The following CSMD3 variants were observed in gnomAD, a reference collection of about 807,000 sequenced individuals.
CSMD3 encodes CUB and Sushi multiple domains 3, also known as CUB and sushi domain-containing protein 3.
A neutral mutation model predicts 435.2 loss-of-function variants in CSMD3; 177 were observed. The observed-to-expected ratio is 0.41, with a 90% CI of 0.36 to 0.46. The LOEUF (loss-of-function observed/expected upper bound fraction) is 0.46, where lower values mean the gene tolerates loss of function less well. Ranked by LOEUF, CSMD3 falls within the 20% of genes least tolerant of loss-of-function variation. The pLI is 0.34. For synonymous variants in CSMD3, 1,656 were observed against 1,520.5 expected (o/e 1.09, Z -2.07); for missense variants, 4,265 against 4,504.6 (o/e 0.95, Z 1.52).
intron 13 of CSMD3, among the ~76,000 whole-genome samples, chr8:112,787,867 G>A (rs899948828): frequency 2.6e-5 from 4 of 152,070 alleles, no homozygotes; most frequent in Non-Finnish European, 5.9e-5. Context: ...GAATGAATAA[G>A]ATCTTGTATT....
At chr8:112,716,037 C>G (rs927686557) in intron 13 of CSMD3, among the ~76,000 whole-genome samples, 1 of 152,092 alleles carries the variant, frequency 6.6e-6, no homozygotes, top group African/African-American at 2.4e-5. Context: ...CACTGTCTTC[C>G]CACTCTTATT....
At chr8:112,405,079 C>G (rs1831659087) in intron 35 of CSMD3, among the ~76,000 whole-genome samples, 1 of 147,722 alleles carries the variant, frequency 6.8e-6, no homozygotes, top group Admixed American at 6.8e-5. Context: ...CCCAGCTACT[C>G]TCTATGCTGA....
chr8:112,287,261 A>C lies in CSMD3; in HGVS notation c.9149-15T>G. On this transcript the variant is annotated splice_polypyrimidine_tract_variant and intron_variant, in intron 57 of 70. Transcript: ENST00000297405. The stretch of plus-strand genomic sequence containing the variant: ...AGTAGCATCACCTGCAATGCAGTAC[A>C]GTTCAAGTTAACCAATTCCCATAAA... 1 of 1,613,018 alleles carries C rather than the reference A, an allele frequency of 6.2e-7. No homozygotes were observed. The highest frequency in any genetic ancestry group is 1.1e-5 in the South Asian group (1 of 91,072).
chr8:113,093,658 A>C (rs1289371274), intron 5 of CSMD3, among the ~76,000 whole-genome samples: 1 of 152,142 alleles, frequency 6.6e-6, no homozygotes, highest in Non-Finnish European at 1.5e-5. Context: ...GAGAAGGAAC[A>C]GTGCACAAAT....
At chr8:112,696,545 C>T (rs1372708043) in intron 13 of CSMD3, among the ~76,000 whole-genome samples, 3 of 152,190 alleles carry the variant, frequency 2.0e-5, no homozygotes, top group African/African-American at 7.2e-5. Context: ...AAACTGGATC[C>T]CTTCCTTACA....
At chr8:112,245,919 GTC>G (rs1255106501) in intron 64 of CSMD3, among the ~76,000 whole-genome samples, 1 of 152,146 alleles carries the variant, frequency 6.6e-6, no homozygotes, top group African/African-American at 2.4e-5. Flanking sequence ...ACTACAGTCT[GTC>G]TCTACTGCCA....
intron 1 of CSMD3, among the ~76,000 whole-genome samples, chr8:113,350,339 A>G (rs538093961): frequency 6.6e-6 from 1 of 152,290 alleles, no homozygotes; most frequent in African/African-American, 2.4e-5. Context: ...AGTTGAGTCT[A>G]AAGAGTTAAC....
intron 3 of CSMD3, among the ~76,000 whole-genome samples, chr8:113,197,872 T>C (rs570430862): frequency 8.3e-4 from 126 of 151,324 alleles, no homozygotes; most frequent in African/African-American, 2.9e-3. Flanking sequence ...TTGTTCTAGG[T>C]GGACAGAACT....
chr8:112,391,961 C>T (rs1830453229), intron 35 of CSMD3, among the ~76,000 whole-genome samples: 1 of 152,122 alleles, frequency 6.6e-6, no homozygotes, highest in African/African-American at 2.4e-5. Flanking sequence ...CTCTTAAATT[C>T]TGTGTGACTT....
chr8:112,821,410 A>AT (rs377627827), intron 12 of CSMD3, among the ~76,000 whole-genome samples: 78 of 147,138 alleles, frequency 5.3e-4, no homozygotes, highest in African/African-American at 1.5e-3. Flanking sequence ...AATGATGTTG[A>AT]TTTTTTTTTT....
At chr8:112,432,384 G>T (rs1813815760) in intron 32 of CSMD3, among the ~76,000 whole-genome samples, 1 of 152,014 alleles carries the variant, frequency 6.6e-6, no homozygotes, top group Non-Finnish European at 1.5e-5. Flanking sequence ...TCTCACTGCA[G>T]CTTTGAATGC....
chr8:112,367,870 T>C (rs1385110440), intron 38 of CSMD3, among the ~76,000 whole-genome samples: 1 of 152,212 alleles, frequency 6.6e-6, no homozygotes, highest in Non-Finnish European at 1.5e-5. Context: ...TCCAGCTATG[T>C]GGGTTTATCT....
At chr8:112,691,360 T>C (rs939318044) in intron 13 of CSMD3, among the ~76,000 whole-genome samples, 32 of 152,256 alleles carry the variant, frequency 2.1e-4, no homozygotes, top group African/African-American at 6.5e-4. Flanking sequence ...GGGAAGATGT[T>C]AGTAATTTTC....
At chr8:112,380,256 G>T in intron 38 of CSMD3, 96 bp downstream of exon 38, 1 of 639,780 alleles carries the variant, frequency 1.6e-6, no homozygotes. Context: ...TTTTCTTTGA[G>T]AAAGTTGCTA....
chr8:112,558,573 C>T (rs1828336361), intron 24 of CSMD3, among the ~76,000 whole-genome samples: 1 of 151,730 alleles, frequency 6.6e-6, no homozygotes. Flanking sequence ...ATTTATTATG[C>T]TTTTCTCTTG....
In CSMD3 at chr8:113,166,633, A is replaced by G. The variant is rs2092155441; in HGVS notation, c.709+7089T>C. Among the ~76,000 whole-genome samples the G allele has an allele frequency of 3.9e-5, 6 of 152,266 alleles. 1 individual carries two copies. The South Asian group carries it at 1.2e-3, about 32-fold the overall frequency. ...ATGCTATGTTAACTTTGGAAAATAT[A>G]TTTTCAAAAACGATGTCTAATACTT... On this transcript the variant is annotated intron_variant, in intron 4 of 70. Coordinates refer to ENST00000297405, the MANE Select transcript of CSMD3 (RefSeq NM_198123.2).
chr8:113,373,812 T>C (rs1042971410), intron 1 of CSMD3, among the ~76,000 whole-genome samples: 5 of 152,096 alleles, frequency 3.3e-5, no homozygotes, highest in Non-Finnish European at 7.4e-5. Context: ...CACAGACTAA[T>C]TGATATGCAC....
chr8:112,357,400 G>A (rs1826722928), intron 38 of CSMD3, among the ~76,000 whole-genome samples: 1 of 152,150 alleles, frequency 6.6e-6, no homozygotes, highest in Non-Finnish European at 1.5e-5. Flanking sequence ...GAGTATAAAA[G>A]TTTGAAAAAT....
At chr8:113,355,057 C>T (rs1404516303) in intron 1 of CSMD3, among the ~76,000 whole-genome samples, 1 of 152,090 alleles carries the variant, frequency 6.6e-6, no homozygotes, top group South Asian at 2.1e-4. Flanking sequence ...CAAAACTTTA[C>T]AAATTTTATG....
Sources: allele counts gnomAD v4.1 joint callset (sites outside exome capture counted in the v4.1 genomes callset), GRCh38; gene constraint gnomAD v4.1.1; transcripts MANE v1.5; gene names NCBI Gene and HGNC (gene_info 2026-07-23, HGNC 2026-07-21).